The following CPED1 variants were observed in gnomAD, a reference collection of about 807,000 sequenced individuals.
The protein encoded by CPED1 is cadherin-like and PC-esterase domain-containing protein 1.
In CPED1, 114 loss-of-function variants were observed where a neutral mutation model predicts 128.2. That is an observed-to-expected ratio of 0.89 (90% CI 0.76 to 1.04). The LOEUF is 1.04. Ranked by LOEUF, CPED1 falls within the 50% of genes least tolerant of loss-of-function variation. CPED1 has a pLI of 0.00. For synonymous variants in CPED1, 462 were observed against 426.7 expected, an observed-to-expected ratio of 1.08 and a Z score of -1.02; for missense variants, 1,211 against 1,207.1, an observed-to-expected ratio of 1.00 and a Z score of -0.05.
chr7:121,276,845 G>A (rs751557392), intron 22 of CPED1, among the ~76,000 whole-genome samples: 54 of 152,222 alleles, frequency 3.5e-4, no homozygotes, highest in Non-Finnish European at 6.3e-4. Flanking sequence ...AAGTAGGTGA[G>A]GGCAAGATCA....
chr7:121,230,832 A>G (rs1435218795), intron 16 of CPED1, among the ~76,000 whole-genome samples: 2 of 152,086 alleles, frequency 1.3e-5, no homozygotes, highest in African/African-American at 2.4e-5. Flanking sequence ...CAGGGGAGAC[A>G]TGTTATTAGT....
At chr7:121,267,697 T>C (rs1322365293) in intron 21 of CPED1, among the ~76,000 whole-genome samples, 1 of 151,978 alleles carries the variant, frequency 6.6e-6, no homozygotes, top group Non-Finnish European at 1.5e-5. Context: ...TAGAAGATAG[T>C]AAATTAGCCT....
chr7:121,106,671 TTC>T (rs1794981684), intron 7 of CPED1, among the ~76,000 whole-genome samples: 1 of 152,076 alleles, frequency 6.6e-6, no homozygotes, highest in Non-Finnish European at 1.5e-5. Context: ...CACAGCCTGC[TTC>T]TCCCTGGAGC....
At chr7:121,179,561 C>A (rs894732988) in intron 16 of CPED1, among the ~76,000 whole-genome samples, 3 of 152,016 alleles carry the variant, frequency 2.0e-5, no homozygotes, top group African/African-American at 4.8e-5. Flanking sequence ...TGTGTCTATA[C>A]CTTTAAGCCT....
intron 3 of CPED1, among the ~76,000 whole-genome samples, chr7:121,020,788 G>C (rs1392771544): frequency 6.6e-6 from 1 of 151,864 alleles, no homozygotes; most frequent in East Asian, 1.9e-4. Flanking sequence ...CTCTCAGGAA[G>C]AAGGAACCAT....
At chr7:121,254,128 G>C (rs940043835) in intron 18 of CPED1, among the ~76,000 whole-genome samples, 1 of 151,948 alleles carries the variant, frequency 6.6e-6, no homozygotes, top group African/African-American at 2.4e-5. Flanking sequence ...TCTACACACA[G>C]AACATATTCT....
chr7:121,084,473 C>T (rs772009062), intron 5 of CPED1, among the ~76,000 whole-genome samples: 75 of 152,142 alleles, frequency 4.9e-4, no homozygotes, highest in Admixed American at 6.5e-5. Flanking sequence ...AATGTGACAG[C>T]TACAAATTCA....
intron 16 of CPED1, among the ~76,000 whole-genome samples, chr7:121,186,094 G>T (rs192035667): frequency 1.3e-5 from 2 of 152,222 alleles, no homozygotes; most frequent in East Asian, 3.9e-4. Flanking sequence ...AAGGTATTTA[G>T]TTTTATCTGC....
chr7:121,066,066 G>T (rs1427339931), intron 5 of CPED1, among the ~76,000 whole-genome samples: 1 of 152,050 alleles, frequency 6.6e-6, no homozygotes, highest in African/African-American at 2.4e-5. Flanking sequence ...TTTATTTGTT[G>T]TGAATACTGA....
intron 5 of CPED1, among the ~76,000 whole-genome samples, chr7:121,095,503 T>C (rs1228689307): frequency 6.6e-6 from 1 of 151,788 alleles, no homozygotes; most frequent in African/African-American, 2.4e-5. Context: ...TCTTTTAGAA[T>C]AATAAAAAGT....
intron 5 of CPED1, among the ~76,000 whole-genome samples, chr7:121,072,768 A>AAT (rs888730728): frequency 2.0e-5 from 3 of 152,172 alleles, no homozygotes; most frequent in African/African-American, 7.2e-5. Context: ...TTTAAAATGA[A>AAT]ATATATATAT....
chr7:121,211,101 T>C (rs1008803774), intron 16 of CPED1, among the ~76,000 whole-genome samples: 1 of 152,124 alleles, frequency 6.6e-6, no homozygotes, highest in Non-Finnish European at 1.5e-5. Context: ...CTAAGAATTA[T>C]TATGTCATTC....
chr7:121,130,052 TATAAGGCTGTTC>T, intron 11 of CPED1, 61 bp from the exon 12 acceptor site: 3 of 1,176,544 alleles, frequency 2.5e-6, no homozygotes, highest in African/African-American at 1.5e-5. Context: ...AATGACTAAG[TATAAGGCTGTTC>T]ATAGTAATAC....
At position 121,100,000 on chromosome 7, in the gene CPED1, A is replaced by ATG. The variant is rs777376616; in HGVS notation, c.828_829dup (p.Leu277CysfsTer3). ...GATCTATCTGTGATTCTTAAAGCGT[A>ATG]TGTGTTGGTGACGTCCTTAACCCCT... On this transcript the variant is annotated frameshift_variant, in exon 7 of 23. Transcript: ENST00000310396. LOFTEE classifies it high-confidence loss of function. 2.5e-6 allele frequency: 4 copies of ATG among 1,613,394 alleles called. No individual in the cohort carries two copies. The highest frequency in any genetic ancestry group is 3.4e-6 in the Non-Finnish European group (4 of 1,179,794).
intron 16 of CPED1, among the ~76,000 whole-genome samples, chr7:121,166,426 A>T (rs1204893675): frequency 6.6e-6 from 1 of 152,202 alleles, no homozygotes; most frequent in African/African-American, 2.4e-5. Context: ...GACATATATT[A>T]TATTTACTTA....
intron 2 of CPED1, among the ~76,000 whole-genome samples, chr7:121,011,362 G>A (rs1459347983): frequency 6.6e-6 from 1 of 152,052 alleles, no homozygotes; most frequent in African/African-American, 2.4e-5. Flanking sequence ...AATTTTTACT[G>A]TAAATTCATT....
At chr7:121,061,500 A>G (rs370727094) in intron 4 of CPED1, among the ~76,000 whole-genome samples, 1 of 152,232 alleles carries the variant, frequency 6.6e-6, no homozygotes, top group African/African-American at 2.4e-5. Context: ...CAAGTGTAAC[A>G]CATGGCCCAC....
At chr7:121,057,133 A>G (rs1169755884) in intron 4 of CPED1, among the ~76,000 whole-genome samples, 1 of 152,040 alleles carries the variant, frequency 6.6e-6, no homozygotes, top group Non-Finnish European at 1.5e-5. Flanking sequence ...GCACGCCACC[A>G]GACTCAGCTA....
intron 2 of CPED1, among the ~76,000 whole-genome samples, chr7:121,005,250 G>A (rs1014101638): frequency 6.6e-6 from 1 of 152,122 alleles, no homozygotes; most frequent in Admixed American, 6.5e-5. Context: ...CCCTGCAAAG[G>A]ACATGAACTC....
Sources: allele counts gnomAD v4.1 joint callset (sites outside exome capture counted in the v4.1 genomes callset), GRCh38; gene constraint gnomAD v4.1.1; transcripts MANE v1.5; gene names NCBI Gene and HGNC (gene_info 2026-07-23, HGNC 2026-07-21).